Variants in WWC1 observed in about 807,000 individuals in gnomAD.
WWC1 encodes the protein protein KIBRA.
In WWC1, 55 loss-of-function variants were observed where a neutral mutation model predicts 138.4. The observed-to-expected ratio is 0.40, with a 90% CI of 0.32 to 0.50. The LOEUF is 0.50. WWC1 is among the 20% of genes least tolerant of loss of function. WWC1 has a pLI of 0.72. For missense variants in WWC1, 1,226 were observed against 1,420.4 expected, an observed-to-expected ratio of 0.86 and a Z score of 2.20; for synonymous variants, 524 against 564.9, an observed-to-expected ratio of 0.93 and a Z score of 1.03.
At chr5:168,433,218 T>C (rs1331683245) in intron 15 of WWC1, among the ~76,000 whole-genome samples, 1 of 152,250 alleles carries the variant, frequency 6.6e-6, no homozygotes, top group East Asian at 1.9e-4. Flanking sequence ...AACTGTGCCA[T>C]GCACACAAGT....
chr5:168,315,585 A>G (rs1204846083), intron 1 of WWC1, among the ~76,000 whole-genome samples: 1 of 151,856 alleles, frequency 6.6e-6, no homozygotes, highest in Non-Finnish European at 1.5e-5. Context: ...TGAATCTACC[A>G]CAAAGTAGTA....
intron 2 of WWC1, 135 bp from the exon 3 acceptor site, chr5:168,385,076 G>T: frequency 1.2e-6 from 1 of 808,332 alleles, no homozygotes; most frequent in South Asian, 1.8e-5. Flanking sequence ...TTTAGTAAAT[G>T]AGTTTGCCCC....
Position 168,292,081 on chromosome 5 carries a change from G to T in WWC1, c.-72G>T. On this transcript the variant is annotated 5_prime_UTR_variant, in exon 1 of 23. Transcript: ENST00000265293. The surrounding 1 kb of genome is among the most constrained non-coding windows in gnomAD (Gnocchi z 4.4). The stretch of plus-strand genomic sequence containing the variant: ...CTCGGCGGCCGCCCGGGCTAAGAGC[G>T]GCCGGCTGGAGCCGCTGAGCCCCCG... 7.0e-7 allele frequency: 1 copy of T among 1,430,448 alleles called. No homozygotes were observed. Among genetic ancestry groups the T allele is most frequent in the South Asian group, 1.5e-5 (1 of 65,560 alleles). The allele number at this position is 1,430,448 out of a possible 1,614,324, so 88.6% of individuals were successfully genotyped here. A position where few individuals can be genotyped will look rare whatever the true frequency, so the allele number is the denominator to read the frequency against.
chr5:168,352,927 G>C (rs1275997043), intron 1 of WWC1, among the ~76,000 whole-genome samples: 1 of 152,148 alleles, frequency 6.6e-6, no homozygotes, highest in East Asian at 1.9e-4. Context: ...CATCTCACAA[G>C]ATTGCTGTGG....
intron 14 of WWC1, among the ~76,000 whole-genome samples, chr5:168,430,907 G>A (rs1216148903): frequency 6.6e-6 from 1 of 152,232 alleles, no homozygotes; most frequent in East Asian, 1.9e-4. Flanking sequence ...GGACAAAACG[G>A]AAGGAAGACA....
At chr5:168,403,006 T>TTTTCTTTC (rs72242963) in intron 5 of WWC1, among the ~76,000 whole-genome samples, 5,163 of 104,644 alleles carry the variant, frequency 0.049, 222 homozygotes, top group Admixed American at 0.061. Flanking sequence ...TGTTGTTTCT[T>TTTTCTTTC]TTTCTTTCTT....
At chr5:168,320,191 T>C (rs371403322) in intron 1 of WWC1, among the ~76,000 whole-genome samples, 27 of 152,246 alleles carry the variant, frequency 1.8e-4, no homozygotes, top group African/African-American at 6.3e-4. Flanking sequence ...CCCGCCACCA[T>C]GCCTGGCTAA....
chr5:168,391,415 C>T (rs549864118), intron 3 of WWC1, among the ~76,000 whole-genome samples: 2 of 152,288 alleles, frequency 1.3e-5, no homozygotes, highest in South Asian at 4.1e-4. Flanking sequence ...AATCCCAGCA[C>T]TTCGGGAGGC....
chr5:168,294,115 T>C (rs1038536726), intron 1 of WWC1, among the ~76,000 whole-genome samples: 1 of 152,198 alleles, frequency 6.6e-6, no homozygotes, highest in African/African-American at 2.4e-5. Context: ...CCAACACTGA[T>C]AATCATGCAT....
Position 168,467,911 on chromosome 5 carries a change from G to C in WWC1, c.3222G>C (p.Val1074=), listed in dbSNP as rs1224646671. 6.2e-7 allele frequency: 1 copy of C among 1,614,100 alleles called. No homozygotes were observed. ...TGATGAGGGCAGCTGCCAAGGATGT[G>C]CACAGGCTCCGAGGCCAGAGCTGTA... is the stretch of plus-strand genomic sequence containing the variant. ...DKMMRAAAKD[V]HRLRGQSCKE... Residue 1074 remains valine (V), a synonymous_variant, in exon 22 of 23, where the codon GTG becomes GTC. Transcript: ENST00000265293.
At chr5:168,434,026 A>G (rs933327587) in intron 15 of WWC1, among the ~76,000 whole-genome samples, 1 of 152,268 alleles carries the variant, frequency 6.6e-6, no homozygotes, top group Non-Finnish European at 1.5e-5. Context: ...TCTCTTTGCC[A>G]GCACAGGGCT....
Position 168,326,872 on chromosome 5 carries a change from C to G in WWC1, c.119+34601C>G, listed in dbSNP as rs926025112. Among the ~76,000 whole-genome samples, 7 of 150,152 alleles carry G rather than the reference C, an allele frequency of 4.7e-5. No individual in the cohort carries two copies. The East Asian group carries it at 1.4e-3, about 29-fold the overall frequency. On this transcript the variant is annotated intron_variant, in intron 1 of 22. Coordinates refer to ENST00000265293, the MANE Select transcript of WWC1 (RefSeq NM_015238.3). ...AGTCTTATTTCGCATTTGTAGAAAC[C>G]TAGAACAAAAATAAGCATGTGGGAA...
intron 3 of WWC1, among the ~76,000 whole-genome samples, chr5:168,387,392 C>A (rs1006727690): frequency 6.6e-6 from 1 of 152,168 alleles, no homozygotes; most frequent in African/African-American, 2.4e-5. Context: ...TCAGGAAAAC[C>A]CTCAGGATCT....
At chr5:168,335,098 G>C (rs528603880) in intron 1 of WWC1, among the ~76,000 whole-genome samples, 2 of 152,304 alleles carry the variant, frequency 1.3e-5, no homozygotes, top group East Asian at 3.9e-4. Flanking sequence ...TGAGGGAGCT[G>C]TGAGGTGAGG....
At chr5:168,450,958 A>G (rs1027138104) in intron 17 of WWC1, among the ~76,000 whole-genome samples, 1 of 152,170 alleles carries the variant, frequency 6.6e-6, no homozygotes, top group African/African-American at 2.4e-5. Flanking sequence ...CATAGCGCAA[A>G]TATACTAAGA....
chr5:168,326,216 C>CTTTTTTTTTTT (rs796347858), intron 1 of WWC1, among the ~76,000 whole-genome samples: 3 of 113,286 alleles, frequency 2.6e-5, no homozygotes, highest in Admixed American at 9.7e-5. Flanking sequence ...ACCTGATAGT[C>CTTTTTTTTTTT]TTTTTTTTTT....
intron 15 of WWC1, among the ~76,000 whole-genome samples, chr5:168,435,691 C>T (rs939661207): frequency 6.6e-6 from 1 of 152,180 alleles, no homozygotes; most frequent in East Asian, 1.9e-4. Context: ...GGTTTACAGG[C>T]GTGAGCCACC....
chr5:168,371,794 A>C (rs1333902545), intron 2 of WWC1, among the ~76,000 whole-genome samples: 1 of 152,154 alleles, frequency 6.6e-6, no homozygotes, highest in Non-Finnish European at 1.5e-5. Flanking sequence ...GGGGGCAGCC[A>C]CTGTGAACAG....
intron 2 of WWC1, among the ~76,000 whole-genome samples, chr5:168,374,064 AG>A (rs35182943): frequency 0.19 from 24,184 of 125,210 alleles, 2,492 homozygotes; most frequent in East Asian, 0.38. Flanking sequence ...AAAAAAAAAA[AG>A]AGAGAGAGGT....
Sources: gnomAD v4.1 joint callset for allele counts (sites outside exome capture counted in the v4.1 genomes callset) on GRCh38, gnomAD v4.1.1 for gene constraint, Gnocchi (gnomAD v3.1) non-coding constraint, MANE v1.5 for transcripts, NCBI Gene and HGNC (gene_info 2026-07-23, HGNC 2026-07-21) for gene names.